The following GALNTL6 variants were observed in gnomAD, a reference collection of about 807,000 sequenced individuals.
GALNTL6 encodes polypeptide N-acetylgalactosaminyltransferase like 6.
In GALNTL6, 46 loss-of-function variants were observed where a neutral mutation model predicts 73.7. The ratio of observed to expected loss-of-function variants is 0.62; its 90% CI spans 0.49 to 0.80. The LOEUF (loss-of-function observed/expected upper bound fraction) is 0.80, where lower values mean the gene tolerates loss of function less well. Among genes scored for constraint, GALNTL6 ranks in the 30% least tolerant of loss-of-function variants. The probability of loss-of-function intolerance (pLI) is 0.00; values close to 1 mark genes in which losing one functional copy is unlikely to be tolerated. For synonymous variants in GALNTL6, 259 were observed against 263.7 expected, an observed-to-expected ratio of 0.98 and a Z score of 0.17; for missense variants, 604 against 755.0, an observed-to-expected ratio of 0.80 and a Z score of 2.34.
At chr4:172,767,233 G>T (rs1305478361) in intron 5 of GALNTL6, among the ~76,000 whole-genome samples, 1 of 152,170 alleles carries the variant, frequency 6.6e-6, no homozygotes, top group Admixed American at 6.5e-5. Context: ...GAATACAGTG[G>T]TAAGAACACT....
chr4:171,994,459 AC>A, intron 2 of GALNTL6, among the ~76,000 whole-genome samples: 1 of 152,206 alleles, frequency 6.6e-6, no homozygotes, highest in African/African-American at 2.4e-5. Flanking sequence ...GGTACTCTAC[AC>A]GCATATTAAA....
intron 3 of GALNTL6, among the ~76,000 whole-genome samples, chr4:172,296,460 C>A (rs576361006): frequency 6.6e-6 from 1 of 152,074 alleles, no homozygotes; most frequent in Non-Finnish European, 1.5e-5. Flanking sequence ...GTGCTGCACC[C>A]GTTAACTCAT....
At chr4:172,571,601 A>G (rs1334484653) in intron 5 of GALNTL6, among the ~76,000 whole-genome samples, 1 of 152,206 alleles carries the variant, frequency 6.6e-6, no homozygotes, top group African/African-American at 2.4e-5. Flanking sequence ...TAGTATTTAA[A>G]TCCCTTGGCC....
intron 5 of GALNTL6, among the ~76,000 whole-genome samples, chr4:172,686,602 T>C (rs1393307177): frequency 2.0e-5 from 3 of 152,154 alleles, no homozygotes; most frequent in Admixed American, 6.5e-5. Flanking sequence ...GAAAACACTA[T>C]AGAAAAAGAA....
chr4:172,945,151 G>A (rs961203431), intron 9 of GALNTL6, among the ~76,000 whole-genome samples: 1 of 151,788 alleles, frequency 6.6e-6, no homozygotes, highest in Non-Finnish European at 1.5e-5. Flanking sequence ...TATACTAAGT[G>A]AAAGAAGCCA....
At chr4:172,169,485 C>T (rs1021291025) in intron 2 of GALNTL6, among the ~76,000 whole-genome samples, 1 of 152,100 alleles carries the variant, frequency 6.6e-6, no homozygotes, top group African/African-American at 2.4e-5. Context: ...TGATATATTG[C>T]AATAACTCTG....
chr4:172,636,635 C>A (rs576368011), intron 5 of GALNTL6, among the ~76,000 whole-genome samples: 2 of 152,314 alleles, frequency 1.3e-5, no homozygotes, highest in South Asian at 4.1e-4. Flanking sequence ...TTCTTACCCA[C>A]AGCCTTCAAA....
intron 5 of GALNTL6, among the ~76,000 whole-genome samples, chr4:172,545,214 A>AT (rs1463315509): frequency 6.6e-6 from 1 of 152,180 alleles, no homozygotes; most frequent in East Asian, 1.9e-4. Context: ...GGGGGTAACT[A>AT]AGGCCCCAGA....
At chr4:172,819,513 A>G (rs1306230076) in intron 7 of GALNTL6, among the ~76,000 whole-genome samples, 1 of 152,212 alleles carries the variant, frequency 6.6e-6, no homozygotes, top group African/African-American at 2.4e-5. Flanking sequence ...ACCCAGTGTC[A>G]CCACTAGCTA....
At chr4:172,309,770 G>A (rs932622026) in intron 3 of GALNTL6, among the ~76,000 whole-genome samples, 1 of 151,922 alleles carries the variant, frequency 6.6e-6, no homozygotes, top group Non-Finnish European at 1.5e-5. Context: ...TTTGGTAGCT[G>A]AATAAGAAGT....
intron 5 of GALNTL6, among the ~76,000 whole-genome samples, chr4:172,737,331 G>A (rs933069633): frequency 1.3e-5 from 2 of 151,032 alleles, no homozygotes; most frequent in Admixed American, 1.3e-4. Flanking sequence ...TTTCTCCTCT[G>A]AATTTGTATT....
chr4:172,688,653 G>A (rs1025144925), intron 5 of GALNTL6, among the ~76,000 whole-genome samples: 16 of 152,160 alleles, frequency 1.1e-4, no homozygotes, highest in Non-Finnish European at 2.1e-4. Flanking sequence ...TCTTAGGTCT[G>A]TGCTCCAGCC....
chr4:172,157,002 A>C (rs955618361), intron 2 of GALNTL6, among the ~76,000 whole-genome samples: 6 of 152,142 alleles, frequency 3.9e-5, no homozygotes, highest in African/African-American at 1.2e-4. Flanking sequence ...ATTATCATAA[A>C]GCTGCTTTGT....
chr4:172,473,306 A>T (rs190265038), intron 5 of GALNTL6, among the ~76,000 whole-genome samples: 169 of 152,266 alleles, frequency 1.1e-3, no homozygotes, highest in African/African-American at 3.9e-3. Flanking sequence ...TCATTTTTAA[A>T]ATCAACAAAC....
intron 2 of GALNTL6, among the ~76,000 whole-genome samples, chr4:172,197,758 G>A (rs986065030): frequency 6.6e-6 from 1 of 152,030 alleles, no homozygotes; most frequent in African/African-American, 2.4e-5. Context: ...GAAACTGAAA[G>A]CCTTCCTTAC....
chr4:171,903,328 C>T lies in GALNTL6; in HGVS notation c.138+88610C>T, dbSNP rs988183451. The stretch of plus-strand genomic sequence containing the variant: ...AAGCAGGGCGAGGCATTGCCTCACT[C>T]GGAAAGCACAAGGGGTCAGGGAGTT... On this transcript the variant is annotated intron_variant, in intron 2 of 12. Coordinates refer to ENST00000506823, the MANE Select transcript of GALNTL6 (RefSeq NM_001034845.3). Among the ~76,000 whole-genome samples the T allele has an allele frequency of 7.9e-5, 12 of 152,180 alleles. No individual in the cohort carries two copies. The East Asian group carries it at 1.2e-3, about 15-fold the overall frequency.
intron 5 of GALNTL6, among the ~76,000 whole-genome samples, chr4:172,642,329 G>A (rs760585016): frequency 8.6e-5 from 13 of 151,964 alleles, no homozygotes; most frequent in Non-Finnish European, 1.3e-4. Context: ...ATCAACCTAA[G>A]TGTCTATCAA....
At chr4:172,389,544 A>G (rs550078858) in intron 5 of GALNTL6, among the ~76,000 whole-genome samples, 1 of 152,274 alleles carries the variant, frequency 6.6e-6, no homozygotes, top group East Asian at 1.9e-4. Flanking sequence ...TTATGTAGTA[A>G]TTGAAATAAA....
At chr4:172,651,501 T>G (rs1740474318) in intron 5 of GALNTL6, among the ~76,000 whole-genome samples, 1 of 152,210 alleles carries the variant, frequency 6.6e-6, no homozygotes, top group Admixed American at 6.5e-5. Context: ...ACTCAAAAAA[T>G]AATTGTTCCT....
Sources: gnomAD v4.1 joint callset for allele counts (sites outside exome capture counted in the v4.1 genomes callset) on GRCh38, gnomAD v4.1.1 for gene constraint, MANE v1.5 for transcripts, NCBI Gene and HGNC (gene_info 2026-07-23, HGNC 2026-07-21) for gene names.